The following DAPK1 variants were observed in gnomAD, a reference collection of about 807,000 sequenced individuals.
DAPK1 encodes the protein death-associated protein kinase 1.
A neutral mutation model predicts 144.9 loss-of-function variants in DAPK1; 56 were observed. The observed-to-expected ratio is 0.39, with a 90% CI of 0.31 to 0.48. DAPK1 has a LOEUF of 0.48. DAPK1 is among the 20% of genes least tolerant of loss of function. The probability of loss-of-function intolerance (pLI) is 0.95; values close to 1 mark genes in which losing one functional copy is unlikely to be tolerated. For missense variants in DAPK1, 1,454 were observed against 1,875.4 expected (o/e 0.78, Z 4.15); for synonymous variants, 690 against 749.0 (o/e 0.92, Z 1.29).
rs560851061 is a variant in DAPK1 at position 87,620,209 on chromosome 9, A to T, written c.284+15034A>T. On this transcript the variant is annotated intron_variant, in intron 3 of 25. Transcript: ENST00000408954. Reference sequence around the variant, plus strand: ...CGCTCGTGCCCCTCCTTGGTCTCTGATTCCCTCTCCTCTCAGGGCCAGGTG... The same window carrying T: ...CGCTCGTGCCCCTCCTTGGTCTCTGTTTCCCTCTCCTCTCAGGGCCAGGTG... Among the ~76,000 whole-genome samples, 35 of 152,164 alleles carry T rather than the reference A, an allele frequency of 2.3e-4. No homozygotes were observed. The East Asian group carries it at 5.0e-3, about 22-fold the overall frequency.
intron 2 of DAPK1, among the ~76,000 whole-genome samples, chr9:87,518,105 G>GTTTTTTTTTTTTTT (rs1178414186): frequency 2.8e-5 from 1 of 35,614 alleles, no homozygotes; most frequent in African/African-American, 4.7e-5. Flanking sequence ...TTATGTTGTT[G>GTTTTTTTTTTTTTT]TTTTTTTTTT....
intron 10 of DAPK1, 96 bp downstream of exon 10, chr9:87,642,154 A>G (rs376381937): frequency 1.0e-4 from 89 of 890,292 alleles, no homozygotes; most frequent in Non-Finnish European, 1.5e-4. Flanking sequence ...GGTAATATGG[A>G]AGATACATCC....
In DAPK1 at chr9:87,638,031, A is replaced by G; in HGVS notation, c.373A>G (p.Asn125Asp). The G allele has an allele frequency of 6.2e-7, 1 of 1,614,050 alleles. No homozygotes were observed. The highest frequency in any genetic ancestry group is 2.2e-5 in the East Asian group (1 of 44,886). ...AACTGAATTTCTCAAACAAATTCTT[A>G]ATGGTGTTTACTACCTGCACTCCCT... ...EATEFLKQIL[N>D]GVYYLHSLQI... The change falls in exon 4 of 26, where the codon AAT becomes GAT. Residue 125 changes from asparagine to aspartate, a missense_variant. Transcript: ENST00000408954.
At chr9:87,664,885 C>T (rs566563683) in intron 18 of DAPK1, among the ~76,000 whole-genome samples, 14 of 152,216 alleles carry the variant, frequency 9.2e-5, no homozygotes, top group Non-Finnish European at 1.5e-4. Flanking sequence ...CGCCTCCTCC[C>T]GTCTCCCTCC....
chr9:87,524,064 A>G (rs925387820), intron 2 of DAPK1, among the ~76,000 whole-genome samples: 7 of 152,368 alleles, frequency 4.6e-5, no homozygotes, highest in Admixed American at 1.3e-4. Context: ...AAACAGGTAC[A>G]GCCCATGAGA....
rs1230943725 is a variant in DAPK1 at position 87,706,168 on chromosome 9, C to G, written c.3097C>G (p.Leu1033Val). 6.2e-7 allele frequency: 1 copy of G among 1,608,140 alleles called. No individual in the cohort carries two copies. Among genetic ancestry groups the G allele is most frequent in the Non-Finnish European group, 8.5e-7 (1 of 1,175,422 alleles). Residue 1033 changes from leucine (L) to valine (V), a missense_variant, in exon 26 of 26, where the codon CTG becomes GTG. By Grantham distance (32) the Leu-to-Val change is conservative. Coordinates refer to ENST00000408954, the MANE Select transcript of DAPK1 (RefSeq NM_004938.4). The surrounding 1 kb of genome is among the most constrained non-coding windows in gnomAD (Gnocchi z 9.0). ...IMQSETVQDV[L>V]LLDPRWLCTN... ...GCAAAGTGAAACAGTTCAGGACGTG[C>G]TGCTCCTGGACCCCCGCTGGCTCTG...
At position 87,609,620 on chromosome 9, in the gene DAPK1, A is replaced by G. The variant is rs370785480; in HGVS notation, c.284+4445A>G. Among the ~76,000 whole-genome samples the G allele has an allele frequency of 3.1e-4, 47 of 152,302 alleles. No individual in the cohort carries two copies. In the South Asian group the frequency reaches 9.1e-3, roughly 30 times the overall value. The stretch of plus-strand genomic sequence containing the variant: ...TGAGAAAATTATCATCCTAAATTCT[A>G]ATGTCTTTAACAGAAGCTTTAGTCA... On this transcript the variant is annotated intron_variant, in intron 3 of 25. Coordinates refer to ENST00000408954, the MANE Select transcript of DAPK1 (RefSeq NM_004938.4).
intron 3 of DAPK1, among the ~76,000 whole-genome samples, chr9:87,629,695 A>G (rs1829603859): frequency 6.6e-6 from 1 of 152,122 alleles, no homozygotes; most frequent in Non-Finnish European, 1.5e-5. Flanking sequence ...CAAAGTATAC[A>G]TTTAGGATCA....
chr9:87,567,642 C>G (rs1032306122), intron 2 of DAPK1, among the ~76,000 whole-genome samples: 3 of 152,128 alleles, frequency 2.0e-5, no homozygotes. Context: ...TCCACTGGCA[C>G]GCTTGCCATG....
At chr9:87,647,533 T>C (rs1830312884) in intron 14 of DAPK1, 130 bp downstream of exon 14, 8 of 752,364 alleles carry the variant, frequency 1.1e-5, no homozygotes, top group African/African-American at 3.4e-5. Flanking sequence ...CTGCAGAACA[T>C]TTAAGTTGGA....
rs1830385161 is a variant in DAPK1, at chr9:87,649,860, C to T, written c.1429-61C>T. ...AAATTTGACAGGGACTCTCACCTTG[C>T]TTTATACTTTGTTTCTCATTATTGT... is the stretch of plus-strand genomic sequence containing the variant. On this transcript the variant is annotated intron_variant, in intron 15 of 25. Transcript: ENST00000408954. 3 of 1,564,616 alleles carry T rather than the reference C, an allele frequency of 1.9e-6. No homozygotes were observed. In the African/African-American group the frequency reaches 4.1e-5, roughly 21 times the overall value.
Position 87,698,723 on chromosome 9 carries a change from T to C in DAPK1, c.2679T>C (p.Asn893=), listed in dbSNP as rs142092748. ...VLVATHADIM[N]VPRPAGGEFG... is the part of the protein sequence containing the mutation. ...TGGCCACCCACGCTGACATCATGAA[T>C]GTTCCTCGACCGGCTGGAGGCGAGT... Residue 893 remains asparagine (N), a synonymous_variant, in exon 23 of 26, where the codon AAT becomes AAC. Coordinates refer to ENST00000408954, the MANE Select transcript of DAPK1 (RefSeq NM_004938.4). The C allele has an allele frequency of 2.5e-6, 4 of 1,599,802 alleles. No individual in the cohort carries two copies. Among genetic ancestry groups the C allele is most frequent in the Non-Finnish European group, 3.4e-6 (4 of 1,167,016 alleles).
Position 87,686,690 on chromosome 9 carries a change from C to G in DAPK1, c.2364C>G (p.Ala788=). The change falls in exon 21 of 26, where the codon GCC becomes GCG. Residue 788 remains alanine, a synonymous_variant. Transcript: ENST00000408954. This position sits in a 1 kb window ranked among gnomAD's most constrained non-coding sequence, Gnocchi z 4.2. ...CGACCCACCACCCGCACTGCTCGGCCGATGACCAGTCCACCAAGGCCATCG... is the reference window on the plus strand; with the variant it reads ...CGACCCACCACCCGCACTGCTCGGCGGATGACCAGTCCACCAAGGCCATCG... The part of the protein sequence containing the change: ...VAPTHHPHCS[A]DDQSTKAIDI... 6.2e-7 allele frequency: 1 copy of G among 1,613,446 alleles called. No homozygotes were observed. The highest frequency in any genetic ancestry group is 8.5e-7 in the Non-Finnish European group (1 of 1,179,498).
At chr9:87,645,021 T>C (rs907790164) in intron 11 of DAPK1, among the ~76,000 whole-genome samples, 7 of 152,226 alleles carry the variant, frequency 4.6e-5, no homozygotes, top group Non-Finnish European at 4.4e-5. Flanking sequence ...TTCAGATCTA[T>C]AGAGAAGAGA....
At chr9:87,585,064 A>G (rs1218650276) in intron 2 of DAPK1, among the ~76,000 whole-genome samples, 1 of 152,182 alleles carries the variant, frequency 6.6e-6, no homozygotes, top group Admixed American at 6.5e-5. Flanking sequence ...GTTGAGTACC[A>G]TGTATATATT....
intron 2 of DAPK1, among the ~76,000 whole-genome samples, chr9:87,569,609 A>C (rs1827259424): frequency 6.6e-6 from 1 of 152,184 alleles, no homozygotes; most frequent in Non-Finnish European, 1.5e-5. Flanking sequence ...TGGAGAATTC[A>C]AGCTGATAGG....
chr9:87,636,977 CAATA>C, intron 3 of DAPK1, among the ~76,000 whole-genome samples: 1 of 152,204 alleles, frequency 6.6e-6, no homozygotes, highest in East Asian at 1.9e-4. Flanking sequence ...CAGCAGTAGC[CAATA>C]GCTGGGGTGG....
chr9:87,648,640 G>A (rs1477314521), intron 14 of DAPK1, 141 bp from the exon 15 acceptor site: 1 of 681,672 alleles, frequency 1.5e-6, no homozygotes, highest in Non-Finnish European at 2.6e-6. Context: ...AGCCACTATA[G>A]GGGCATCTGC....
At chr9:87,500,087 T>A (rs1824337214) in intron 2 of DAPK1, among the ~76,000 whole-genome samples, 1 of 152,184 alleles carries the variant, frequency 6.6e-6, no homozygotes, top group African/African-American at 2.4e-5. Context: ...GATGTCCTGA[T>A]ACAAAGCTTC....
Sources: gnomAD v4.1 joint callset for allele counts (sites outside exome capture counted in the v4.1 genomes callset) on GRCh38, gnomAD v4.1.1 for gene constraint, Gnocchi (gnomAD v3.1) non-coding constraint, MANE v1.5 for transcripts, NCBI Gene and HGNC (gene_info 2026-07-23, HGNC 2026-07-21) for gene names.